The following COMMD1 variants were observed in gnomAD, a reference collection of about 807,000 sequenced individuals.
The protein encoded by COMMD1 is COMM domain-containing protein 1.
In COMMD1, 10 loss-of-function variants were observed where a neutral mutation model predicts 17.2. That is an observed-to-expected ratio of 0.58 (90% CI 0.36 to 0.99). The LOEUF (loss-of-function observed/expected upper bound fraction) is 0.99, where lower values mean the gene tolerates loss of function less well. COMMD1 is among the 50% of genes least tolerant of loss of function. The probability of loss-of-function intolerance (pLI) is 0.01; values close to 1 mark genes in which losing one functional copy is unlikely to be tolerated. For synonymous variants in COMMD1, 97 were observed against 91.6 expected (o/e 1.06, Z -0.34); for missense variants, 270 against 231.8 (o/e 1.17, Z -1.07).
At chr2:61,990,500 C>T (rs1672218457) in intron 1 of COMMD1, among the ~76,000 whole-genome samples, 1 of 152,064 alleles carries the variant, frequency 6.6e-6, no homozygotes, top group Non-Finnish European at 1.5e-5. Flanking sequence ...CCAGCCTGGG[C>T]AACATAGTGA....
At chr2:61,913,549 A>G (rs1340714920) in intron 1 of COMMD1, among the ~76,000 whole-genome samples, 1 of 151,624 alleles carries the variant, frequency 6.6e-6, no homozygotes, top group Admixed American at 6.6e-5. Flanking sequence ...AATTAGCTCT[A>G]CTAAAAAATT....
At chr2:62,002,491 G>GAAAAAA (rs11310507) in intron 2 of COMMD1, among the ~76,000 whole-genome samples, 48 of 35,090 alleles carry the variant, frequency 1.4e-3, no homozygotes, top group Non-Finnish European at 1.9e-3. Context: ...GATTCCACCA[G>GAAAAAA]AAAAAAAAAA....
intron 2 of COMMD1, among the ~76,000 whole-genome samples, chr2:62,033,641 C>A (rs1476529305): frequency 6.6e-6 from 1 of 151,946 alleles, no homozygotes; most frequent in African/African-American, 2.4e-5. Flanking sequence ...ATAAATACTT[C>A]AAATATTTGT....
At chr2:61,990,661 T>A (rs1199836134) in intron 1 of COMMD1, among the ~76,000 whole-genome samples, 1 of 152,134 alleles carries the variant, frequency 6.6e-6, no homozygotes, top group East Asian at 1.9e-4. Flanking sequence ...ATGTCTCACA[T>A]GGTGGCAGAC....
At chr2:62,120,877 C>T (rs1430991245) in intron 2 of COMMD1, among the ~76,000 whole-genome samples, 7 of 152,094 alleles carry the variant, frequency 4.6e-5, no homozygotes, top group African/African-American at 1.2e-4. Context: ...CATGTGCCAC[C>T]ATATCCAGCT....
chr2:62,093,907 C>T (rs796201673), intron 2 of COMMD1, among the ~76,000 whole-genome samples: 1 of 152,194 alleles, frequency 6.6e-6, no homozygotes, highest in African/African-American at 2.4e-5. Flanking sequence ...AGCTAATTTA[C>T]AAGCTCTAGT....
At chr2:62,102,761 G>T (rs574419464) in intron 2 of COMMD1, among the ~76,000 whole-genome samples, 6 of 152,032 alleles carry the variant, frequency 3.9e-5, no homozygotes, top group Non-Finnish European at 5.9e-5. Flanking sequence ...GTAAAAACTG[G>T]CCATAAAGAA....
chr2:61,957,087 C>CGTGTGTGTGT lies in COMMD1; in HGVS notation c.181-43589_181-43580dup, dbSNP rs10679710. Among the ~76,000 whole-genome samples, 213 of 146,894 alleles carry CGTGTGTGTGT rather than the reference C, an allele frequency of 1.5e-3. 1 individual carries two copies. Among genetic ancestry groups the CGTGTGTGTGT allele is most frequent in the East Asian group, 0.012 (59 of 4,902 alleles). On this transcript the variant is annotated intron_variant, in intron 1 of 2. Coordinates refer to ENST00000311832, the MANE Select transcript of COMMD1 (RefSeq NM_152516.4). ...AGTTTTAATTGAAGGAAGATGGATG[C>CGTGTGTGTGT]GTGTGTGTGTGTGTGTGTGTGTGTG... is the stretch of plus-strand genomic sequence containing the variant.
At chr2:62,083,351 T>C (rs956951331) in intron 2 of COMMD1, among the ~76,000 whole-genome samples, 2 of 152,200 alleles carry the variant, frequency 1.3e-5, no homozygotes, top group Non-Finnish European at 1.5e-5. Flanking sequence ...AACTTTGCCA[T>C]TGTAGCCTGA....
chr2:61,925,365 G>A (rs1670303875), intron 1 of COMMD1, among the ~76,000 whole-genome samples: 1 of 152,128 alleles, frequency 6.6e-6, no homozygotes. Flanking sequence ...GCAGCACCAA[G>A]CTTATGGAAT....
chr2:61,948,594 C>T (rs962338710), intron 1 of COMMD1, among the ~76,000 whole-genome samples: 1 of 152,174 alleles, frequency 6.6e-6, no homozygotes, highest in Middle Eastern at 3.2e-3. Context: ...TACAGTGATA[C>T]AGAATTCACT....
intron 2 of COMMD1, among the ~76,000 whole-genome samples, chr2:62,135,373 T>C (rs1673164278): frequency 6.6e-6 from 1 of 151,232 alleles, no homozygotes; most frequent in African/African-American, 2.4e-5. Context: ...TTTTTTGAGA[T>C]GGACTCTCAC....
chr2:61,947,284 A>G (rs1158341207), intron 1 of COMMD1, among the ~76,000 whole-genome samples: 1 of 152,180 alleles, frequency 6.6e-6, no homozygotes, highest in Non-Finnish European at 1.5e-5. Context: ...AATACCTGTC[A>G]CTTAGTATAA....
intron 1 of COMMD1, among the ~76,000 whole-genome samples, chr2:61,953,471 C>T (rs548548570): frequency 6.6e-6 from 1 of 150,386 alleles, no homozygotes; most frequent in African/African-American, 2.4e-5. Context: ...TGGGTTCAAG[C>T]AATACTCCTG....
intron 2 of COMMD1, among the ~76,000 whole-genome samples, chr2:62,039,036 G>C: frequency 6.6e-6 from 1 of 152,090 alleles, no homozygotes; most frequent in South Asian, 2.1e-4. Context: ...GCTTAATTTG[G>C]AGAAAACTTT....
intron 1 of COMMD1, among the ~76,000 whole-genome samples, chr2:61,976,177 T>A (rs1671796042): frequency 3.6e-5 from 5 of 137,586 alleles, no homozygotes; most frequent in Admixed American, 7.4e-5. Context: ...AAAAGGAAAA[T>A]CAGTCAGTTA....
chr2:62,063,977 G>T (rs1670956417), intron 2 of COMMD1, among the ~76,000 whole-genome samples: 2 of 147,244 alleles, frequency 1.4e-5, no homozygotes, highest in Non-Finnish European at 3.0e-5. Context: ...AACCTGGGAG[G>T]TTGAGGCTGA....
chr2:62,027,205 A>G (rs1452714356), intron 2 of COMMD1, among the ~76,000 whole-genome samples: 2 of 152,096 alleles, frequency 1.3e-5, no homozygotes, highest in African/African-American at 4.8e-5. Flanking sequence ...CTAAGTTCTG[A>G]ATTATGTGGA....
chr2:61,935,546 T>C (rs1159297642), intron 1 of COMMD1, among the ~76,000 whole-genome samples: 1 of 152,002 alleles, frequency 6.6e-6, no homozygotes, highest in Admixed American at 6.6e-5. Context: ...GAGAATTGCT[T>C]GAACCTGGGA....
Sources: allele counts gnomAD v4.1 joint callset (sites outside exome capture counted in the v4.1 genomes callset), GRCh38; gene constraint gnomAD v4.1.1; transcripts MANE v1.5; gene names NCBI Gene and HGNC (gene_info 2026-07-23, HGNC 2026-07-21).